CC2D2B: variants seen among roughly 807,000 people sequenced by gnomAD.
The protein encoded by CC2D2B is coiled-coil and C2 domain containing 2B.
A neutral mutation model predicts 161.2 loss-of-function variants in CC2D2B; 128 were observed. The observed-to-expected ratio is 0.79, with a 90% CI of 0.69 to 0.92. The LOEUF (loss-of-function observed/expected upper bound fraction) is 0.92, where lower values mean the gene tolerates loss of function less well. Among genes scored for constraint, CC2D2B ranks in the 40% least tolerant of loss-of-function variants. The probability of loss-of-function intolerance (pLI) is 0.00; values close to 1 mark genes in which losing one functional copy is unlikely to be tolerated. For missense variants in CC2D2B, 1,173 were observed against 1,375.1 expected, an observed-to-expected ratio of 0.85 and a Z score of 2.32; for synonymous variants, 391 against 449.8, an observed-to-expected ratio of 0.87 and a Z score of 1.65.
At chr10:96,011,752 TACACACACAC>T (rs369797565) in intron 26 of CC2D2B, among the ~76,000 whole-genome samples, 1 of 148,036 alleles carries the variant, frequency 6.8e-6, no homozygotes, top group Non-Finnish European at 1.5e-5. Context: ...CACACACACA[TACACACACAC>T]ACACACACAC....
At chr10:96,012,071 C>T (rs1017858803) in intron 26 of CC2D2B, 114 bp from the exon 27 acceptor site, 2 of 539,266 alleles carry the variant, frequency 3.7e-6, no homozygotes, top group Non-Finnish European at 3.3e-6. Flanking sequence ...AGTAGAAGCC[C>T]GTTCACGCAA....
At chr10:96,022,622 T>A (rs1188268611) in intron 32 of CC2D2B, 1 of 152,236 alleles carries the variant, frequency 6.6e-6, no homozygotes, top group Non-Finnish European at 1.5e-5. Flanking sequence ...AAGATGAGGC[T>A]CTTGTTTGTT....
intron 33 of CC2D2B, among the ~76,000 whole-genome samples, chr10:96,025,363 CAAAAAA>C (rs35860002): frequency 2.9e-4 from 15 of 52,502 alleles, no homozygotes; most frequent in African/African-American, 5.3e-4. Context: ...TGAGGCCTTG[CAAAAAA>C]AAAAAAAAAA....
chr10:95,909,206 A>G (rs1174998629), intron 1 of CC2D2B, among the ~76,000 whole-genome samples: 6 of 152,264 alleles, frequency 3.9e-5, no homozygotes, highest in African/African-American at 1.2e-4. Flanking sequence ...AATACATGGA[A>G]GTCATAATGT....
intron 1 of CC2D2B, among the ~76,000 whole-genome samples, chr10:95,910,905 T>C (rs2098505194): frequency 6.6e-6 from 1 of 152,198 alleles, no homozygotes; most frequent in Non-Finnish European, 1.5e-5. Flanking sequence ...AAGTGATTTT[T>C]TTCTAGTACA....
chr10:95,921,018 G>C (rs76672864), intron 2 of CC2D2B: 1 of 152,714 alleles, frequency 6.5e-6, no homozygotes. Context: ...GGCTGCCCCA[G>C]CTGGTGTCTC....
chr10:95,966,388 G>A (rs1025950838), intron 14 of CC2D2B, 86 bp downstream of exon 14: 4 of 456,738 alleles, frequency 8.8e-6, no homozygotes, highest in Non-Finnish European at 1.4e-5. Context: ...TTTCTTGGGT[G>A]AGTACCATAT....
intron 2 of CC2D2B, among the ~76,000 whole-genome samples, chr10:95,917,732 A>G (rs2098519203): frequency 6.6e-6 from 1 of 152,036 alleles, no homozygotes; most frequent in South Asian, 2.1e-4. Flanking sequence ...TTTTGTTTCT[A>G]TTTATATCTT....
chr10:95,966,419 A>T, intron 14 of CC2D2B, 117 bp downstream of exon 14: 1 of 371,244 alleles, frequency 2.7e-6, no homozygotes, highest in Non-Finnish European at 4.7e-6. Context: ...CTAAGTTTTT[A>T]AAAACACATT....
chr10:95,969,899 C>G (rs928041123), intron 15 of CC2D2B, among the ~76,000 whole-genome samples: 1 of 152,102 alleles, frequency 6.6e-6, no homozygotes, highest in Non-Finnish European at 1.5e-5. Flanking sequence ...TATCACTTAG[C>G]ATATGAGCCT....
intron 32 of CC2D2B, chr10:96,022,425 T>G (rs144186514): frequency 2.6e-5 from 4 of 152,354 alleles, no homozygotes; most frequent in Middle Eastern, 3.4e-3. Flanking sequence ...ACATTCTCCA[T>G]GCAGATGCAA....
chr10:96,013,800 C>A lies in CC2D2B; in HGVS notation c.3439C>A (p.Arg1147=). The A allele has an allele frequency of 1.3e-6, 2 of 1,599,602 alleles. No individual in the cohort carries two copies. Among genetic ancestry groups the A allele is most frequent in the Non-Finnish European group, 1.7e-6 (2 of 1,171,044 alleles). The change falls in exon 29 of 35, where the codon CGA becomes AGA. Residue 1147 remains arginine, a synonymous_variant. Transcript: ENST00000646931. The stretch of plus-strand genomic sequence containing the variant: ...AATATTATTCTAGGACCTCATTGCT[C>A]GATTTGTATCTTTGATTCCTTTTGT... ...NSNATFDLIA[R]FVSLIPFVPN...
Position 96,016,290 on chromosome 10 carries a change from C to A in CC2D2B, c.3606C>A (p.Val1202=). ...FFLYFGKKAL[V]LLGTSVLEGH... ...TGTATTTTGGAAAGAAGGCACTGGT[C>A]CTCTTGGGAACGTCAGTGTTAGAAG... The change falls in exon 30 of 35, where the codon GTC becomes GTA. Residue 1202 remains valine, a synonymous_variant. Coordinates refer to ENST00000646931, the MANE Select transcript of CC2D2B (RefSeq NM_001349008.3). The A allele has an allele frequency of 6.2e-7, 1 of 1,610,120 alleles. No homozygotes were observed. The highest frequency in any genetic ancestry group is 1.1e-5 in the South Asian group (1 of 90,912).
At chr10:96,015,591 G>A (rs1464133148) in intron 29 of CC2D2B, among the ~76,000 whole-genome samples, 1 of 151,890 alleles carries the variant, frequency 6.6e-6, no homozygotes, top group Non-Finnish European at 1.5e-5. Context: ...TAGACCACCA[G>A]TTGGCTACTT....
At chr10:96,015,613 T>C (rs2079164585) in intron 29 of CC2D2B, among the ~76,000 whole-genome samples, 1 of 152,174 alleles carries the variant, frequency 6.6e-6, no homozygotes, top group Non-Finnish European at 1.5e-5. Flanking sequence ...TGCTATACTT[T>C]TTCTCCCCTG....
At chr10:95,917,903 A>C (rs748236558) in intron 2 of CC2D2B, among the ~76,000 whole-genome samples, 12 of 152,130 alleles carry the variant, frequency 7.9e-5, no homozygotes, top group Middle Eastern at 3.4e-3. Flanking sequence ...CAGCCTCCCA[A>C]GTAGCTGGGT....
chr10:96,004,038 C>A, intron 24 of CC2D2B, 114 bp from the exon 25 acceptor site: 1 of 643,660 alleles, frequency 1.6e-6, no homozygotes, highest in Non-Finnish European at 2.6e-6. Context: ...TTAGTTTATA[C>A]TTCATAAAAG....
chr10:95,974,028 G>A lies in CC2D2B; in HGVS notation c.1815G>A (p.Glu605=). Residue 605 remains glutamate, a synonymous_variant, in exon 17 of 35, where the codon GAG becomes GAA. Coordinates refer to ENST00000646931, the MANE Select transcript of CC2D2B (RefSeq NM_001349008.3). ...AAACAGATGTGCCTTTTCTTCTTGA[G>A]GGAAATGGAACTGAAGAACTCTGTC... is the stretch of plus-strand genomic sequence containing the variant. ...EVGSNVPFLL[E]GNGTEELCLL... The A allele has an allele frequency of 1.6e-6, 2 of 1,231,584 alleles. No individual in the cohort carries two copies. Among genetic ancestry groups the A allele is most frequent in the African/African-American group, 1.6e-5 (1 of 64,506 alleles). The allele number at this position is 1,231,584 out of a possible 1,614,324, so 76.3% of individuals were successfully genotyped here.
intron 32 of CC2D2B, chr10:96,020,110 G>A: frequency 3.8e-6 from 1 of 265,562 alleles, no homozygotes; most frequent in South Asian, 5.2e-5. Flanking sequence ...TTCAAGATGT[G>A]TAGTAAGTTC....
Sources: gnomAD v4.1 joint callset for allele counts (sites outside exome capture counted in the v4.1 genomes callset) on GRCh38, gnomAD v4.1.1 for gene constraint, MANE v1.5 for transcripts, NCBI Gene and HGNC (gene_info 2026-07-23, HGNC 2026-07-21) for gene names.